The following NSD2 variants were observed in gnomAD, a reference collection of about 807,000 sequenced individuals.
NSD2 encodes the protein histone-lysine N-methyltransferase NSD2.
A neutral mutation model predicts 139.0 loss-of-function variants in NSD2; 12 were observed. That is an observed-to-expected ratio of 0.09 (90% CI 0.06 to 0.14). The LOEUF (loss-of-function observed/expected upper bound fraction) is 0.14, where lower values mean the gene tolerates loss of function less well. Among genes scored for constraint, NSD2 ranks in the 10% least tolerant of loss-of-function variants. The pLI, the probability that NSD2 is intolerant of heterozygous loss-of-function variation, is 1.00. For missense variants in NSD2, 1,155 were observed against 1,745.0 expected (o/e 0.66, Z 6.02); for synonymous variants, 669 against 648.7 (o/e 1.03, Z -0.48).
At chr4:1,940,314 G>GTTGA in intron 9 of NSD2, 1 of 1,071,894 alleles carries the variant, frequency 9.3e-7, no homozygotes, top group Non-Finnish European at 1.1e-6. Flanking sequence ...TTACTTGAGT[G>GTTGA]TTGAGGTGAG....
chr4:1,878,422 T>C (rs143253061), intron 1 of NSD2, among the ~76,000 whole-genome samples: 2 of 151,972 alleles, frequency 1.3e-5, no homozygotes, highest in African/African-American at 4.8e-5. Context: ...AAACTTTTTT[T>C]AATTATTCTG....
At chr4:1,917,994 TG>T in intron 4 of NSD2, 146 bp from the exon 5 acceptor site, 1 of 905,984 alleles carries the variant, frequency 1.1e-6, no homozygotes, top group Non-Finnish European at 1.6e-6. Context: ...TTGACCAGGC[TG>T]GTCTTAAACT....
intron 5 of NSD2, among the ~76,000 whole-genome samples, chr4:1,922,976 C>T (rs887187281): frequency 1.2e-4 from 18 of 151,920 alleles, no homozygotes; most frequent in African/African-American, 4.4e-4. Flanking sequence ...TGGCCCAAGA[C>T]GGGGCCCAGA....
At chr4:1,943,871 A>G (rs1428561918) in intron 9 of NSD2, 1 of 1,063,450 alleles carries the variant, frequency 9.4e-7, no homozygotes, top group East Asian at 5.0e-5. Context: ...AAATTACAGC[A>G]TGATGAATTT....
At chr4:1,875,636 C>T (rs964969020) in intron 1 of NSD2, among the ~76,000 whole-genome samples, 3 of 152,188 alleles carry the variant, frequency 2.0e-5, no homozygotes, top group African/African-American at 7.2e-5. Flanking sequence ...GGTGCAGTGG[C>T]TCACGCCTGT....
intron 3 of NSD2, among the ~76,000 whole-genome samples, chr4:1,916,255 A>G (rs1027197718): frequency 1.3e-5 from 2 of 152,098 alleles, no homozygotes; most frequent in African/African-American, 2.4e-5. Flanking sequence ...TTTCTTGCAC[A>G]TGTCCTCTTG....
rs963796727 is a variant in NSD2 at position 1,930,909 on chromosome 4, A to G, written c.1555+139A>G. On this transcript the variant is annotated intron_variant, in intron 6 of 21. Transcript: ENST00000508803. ...CCGTGGGGTTTGGGCCAGCGGTCCAAGTGCGTGTGGTCACAGTAAAAACAG... is the reference window on the plus strand; with the variant it reads ...CCGTGGGGTTTGGGCCAGCGGTCCAGGTGCGTGTGGTCACAGTAAAAACAG... 8.3e-6 allele frequency: 9 copies of G among 1,084,794 alleles called. No individual in the cohort carries two copies. The Admixed American group carries it at 1.9e-4, about 23-fold the overall frequency. 67.2% of individuals were successfully genotyped at this position (1,084,794 alleles called of 1,614,324 possible). A position where few individuals can be genotyped will look rare whatever the true frequency, so the allele number is the denominator to read the frequency against.
chr4:1,873,442 A>G (rs1485186333), intron 1 of NSD2, among the ~76,000 whole-genome samples: 1 of 152,222 alleles, frequency 6.6e-6, no homozygotes, highest in Non-Finnish European at 1.5e-5. Flanking sequence ...AGCAGGCTGC[A>G]GGTGCGACTT....
intron 5 of NSD2, among the ~76,000 whole-genome samples, chr4:1,919,946 A>G (rs1396125654): frequency 1.3e-5 from 2 of 151,968 alleles, no homozygotes; most frequent in African/African-American, 4.8e-5. Flanking sequence ...AAAAAAAAGG[A>G]AAAAAAGTCT....
chr4:1,902,338 C>G (rs1717297841), intron 2 of NSD2, among the ~76,000 whole-genome samples: 2 of 152,088 alleles, frequency 1.3e-5, no homozygotes, highest in Non-Finnish European at 2.9e-5. Context: ...GATCCTCCTA[C>G]CTCACCCTCC....
chr4:1,954,540 C>G (rs750024530), intron 12 of NSD2: 1 of 151,722 alleles, frequency 6.6e-6, no homozygotes, highest in Non-Finnish European at 1.5e-5. Flanking sequence ...TTTGTAGAGA[C>G]GAGGTCTCAC....
rs1056617211 is a variant in NSD2, at chr4:1,972,671, G to T, written c.3373-2192G>T. Among the ~76,000 whole-genome samples, 2 of 152,254 alleles carry T rather than the reference G, an allele frequency of 1.3e-5. No homozygotes were observed. Among genetic ancestry groups the T allele is most frequent in the African/African-American group, 2.4e-5 (1 of 41,462 alleles). On this transcript the variant is annotated intron_variant, in intron 18 of 21. Transcript: ENST00000508803. This position sits in a 1 kb window ranked among gnomAD's most constrained non-coding sequence, Gnocchi z 4.0. The stretch of plus-strand genomic sequence containing the variant: ...CCAGATGGATTGAACAGCTAGGAGT[G>T]GGGGAGATGCATTTTATAATCTGTG...
chr4:1,904,455 C>A, intron 3 of NSD2, 77 bp downstream of exon 3: 1 of 1,475,820 alleles, frequency 6.8e-7, no homozygotes, highest in Non-Finnish European at 9.2e-7. Flanking sequence ...TTCTTTCTTA[C>A]TCTTTCTAAA....
intron 12 of NSD2, among the ~76,000 whole-genome samples, chr4:1,953,774 T>C (rs1429960449): frequency 6.6e-6 from 1 of 151,766 alleles, no homozygotes; most frequent in Non-Finnish European, 1.5e-5. Flanking sequence ...GACCATTTGA[T>C]AGATTTTGTT....
At position 1,981,908 on chromosome 4, in the gene NSD2, T is replaced by C; in HGVS notation, c.*2999T>C. 2.5e-6 allele frequency: 1 copy of C among 398,628 alleles called. No individual in the cohort carries two copies. Among genetic ancestry groups the C allele is most frequent in the East Asian group, 3.6e-5 (1 of 28,086 alleles). The allele number at this position is 398,628 out of a possible 1,614,324, so 24.7% of individuals were successfully genotyped here. A position where few individuals can be genotyped will look rare whatever the true frequency, so the allele number is the denominator to read the frequency against. ...GGGGTGTCACAGCCTCACCATACCC[T>C]GTTGAGGTGTGAAATGCCCCGTCAG... On this transcript the variant is annotated 3_prime_UTR_variant, in exon 22 of 22. Transcript: ENST00000508803.
chr4:1,946,522 C>A, intron 9 of NSD2: 2 of 990,496 alleles, frequency 2.0e-6, no homozygotes, highest in Non-Finnish European at 2.4e-6. Context: ...ACCCGCCTCA[C>A]CCTCCCAAAA....
intron 1 of NSD2, among the ~76,000 whole-genome samples, chr4:1,891,350 G>C (rs1577368552): frequency 6.6e-6 from 1 of 152,192 alleles, no homozygotes; most frequent in East Asian, 1.9e-4. Context: ...TTCCATTTCA[G>C]TCTTTTCCGC....
Position 1,900,606 on chromosome 4 carries a change from T to C in NSD2, c.-29-20T>C, listed in dbSNP as rs1261988648. The C allele has an allele frequency of 6.9e-7, 1 of 1,459,196 alleles. No homozygotes were observed. Among genetic ancestry groups the C allele is most frequent in the Non-Finnish European group, 9.1e-7 (1 of 1,093,024 alleles). 90.4% of individuals were successfully genotyped at this position (1,459,196 alleles called of 1,614,324 possible). A position where few individuals can be genotyped will look rare whatever the true frequency, so the allele number is the denominator to read the frequency against. ...ATGTAATTGCTTTTTCTTTCTTTTT[T>C]CTTTTTTTTAATACCATAGTGTTCT... is the stretch of plus-strand genomic sequence containing the variant. On this transcript the variant is annotated intron_variant, in intron 1 of 21. Coordinates refer to ENST00000508803, the MANE Select transcript of NSD2 (RefSeq NM_001042424.3).
rs1234673884 is a variant in NSD2 at position 1,948,559 on chromosome 4, T to TG, written c.1882-2511dup. ...TCTGTCCGGTGGCTGGGAGGGGGTG[T>TG]GGTGGGAAAAAGTCGGAATCTCTGC... On this transcript the variant is annotated intron_variant, in intron 9 of 21. Coordinates refer to ENST00000508803, the MANE Select transcript of NSD2 (RefSeq NM_001042424.3). This position sits in a 1 kb window ranked among gnomAD's most constrained non-coding sequence, Gnocchi z 4.5. The TG allele has an allele frequency of 2.8e-6, 3 of 1,064,312 alleles. No individual in the cohort carries two copies. In the East Asian group the frequency reaches 1.5e-4, roughly 54 times the overall value. 65.9% of individuals were successfully genotyped at this position (1,064,312 alleles called of 1,614,324 possible). A position where few individuals can be genotyped will look rare whatever the true frequency, so the allele number is the denominator to read the frequency against.
Sources: gnomAD v4.1 joint callset for allele counts (sites outside exome capture counted in the v4.1 genomes callset) on GRCh38, gnomAD v4.1.1 for gene constraint, Gnocchi (gnomAD v3.1) non-coding constraint, MANE v1.5 for transcripts, NCBI Gene and HGNC (gene_info 2026-07-23, HGNC 2026-07-21) for gene names.